Variants in GNPTAB observed in about 807,000 individuals in gnomAD.
GNPTAB encodes N-acetylglucosamine-1-phosphate transferase subunits alpha and beta.
GNPTAB carries 92 observed loss-of-function variants against 136.6 expected under a neutral mutation model. The observed-to-expected ratio is 0.67, with a 90% confidence interval of 0.57 to 0.80. The LOEUF is 0.80. Ranked by LOEUF, GNPTAB falls within the 30% of genes least tolerant of loss-of-function variation. The pLI, the probability that GNPTAB is intolerant of heterozygous loss-of-function variation, is 0.00. For synonymous variants in GNPTAB, 512 were observed against 535.1 expected (o/e 0.96, Z 0.60); for missense variants, 1,343 against 1,501.8 (o/e 0.89, Z 1.75).
At chr12:101,773,339 A>G (rs222511) in intron 7 of GNPTAB, 79,515 of 283,998 alleles carry the variant, frequency 0.28, 11,515 homozygotes, top group Middle Eastern at 0.33. Flanking sequence ...CAGAAAGCAC[A>G]TTTCCTTGGT....
At chr12:101,818,387 T>C (rs1252921935) in intron 1 of GNPTAB, among the ~76,000 whole-genome samples, 1 of 151,398 alleles carries the variant, frequency 6.6e-6, no homozygotes, top group African/African-American at 2.4e-5. Context: ...TTTTTTTTTT[T>C]TTTTTTTGGA....
chr12:101,787,913 CA>C (rs34261197), intron 4 of GNPTAB, among the ~76,000 whole-genome samples: 3 of 126,882 alleles, frequency 2.4e-5, no homozygotes, highest in Admixed American at 8.3e-5. Context: ...AACTCCGTCT[CA>C]AAAAAAAAAA....
rs779927550 is a variant in GNPTAB at position 101,764,235 on chromosome 12, C to A, written c.2682G>T (p.Trp894Cys). The change falls in exon 13 of 21, where the codon TGG becomes TGT. Residue 894 changes from tryptophan to cysteine, a missense_variant. By Grantham distance (215) the Trp-to-Cys change is radical (BLOSUM62 -2). Coordinates refer to ENST00000299314, the MANE Select transcript of GNPTAB (RefSeq NM_024312.5). ...GATCTTGGAAATACTTTTTTTTCTC[C>A]CATGGCAAAAAGCCCAAGTAACTAT... The part of the protein sequence containing the change: ...YTDSYLGFLP[W>C]EKKKYFQDLL... The A allele has an allele frequency of 2.5e-6, 4 of 1,613,266 alleles. No individual in the cohort carries two copies. The South Asian group carries it at 3.3e-5, about 13-fold the overall frequency.
intron 1 of GNPTAB, among the ~76,000 whole-genome samples, chr12:101,798,008 G>A (rs1223552897): frequency 1.3e-5 from 2 of 152,012 alleles, no homozygotes; most frequent in Non-Finnish European, 2.9e-5. Context: ...ATCCATTCCA[G>A]TGAGTCCCTC....
chr12:101,776,264 T>C (rs1953261379), intron 7 of GNPTAB, among the ~76,000 whole-genome samples: 1 of 152,168 alleles, frequency 6.6e-6, no homozygotes, highest in Non-Finnish European at 1.5e-5. Context: ...AAACCCACCA[T>C]GAATGAAAAT....
intron 5 of GNPTAB, among the ~76,000 whole-genome samples, chr12:101,784,947 T>A (rs192608192): frequency 1.3e-5 from 2 of 152,334 alleles, no homozygotes; most frequent in Admixed American, 6.5e-5. Flanking sequence ...GGTTATGGGC[T>A]CAGCAGTACA....
chr12:101,770,750 T>C (rs1953159114), intron 8 of GNPTAB, among the ~76,000 whole-genome samples, 165 bp from the exon 9 acceptor site: 3 of 152,190 alleles, frequency 2.0e-5, no homozygotes, highest in Admixed American at 6.5e-5. Context: ...ATTCAGTATA[T>C]ATATTTTTAA....
At position 101,770,096 on chromosome 12, in the gene GNPTAB, A is replaced by G. The variant is rs947905285; in HGVS notation, c.1209T>C (p.Ile403=). ...CAAACATGACATCATCATTTAGGTA[A>G]ATAAACTTCTGGGACAGCCCTTCGA... The part of the protein sequence containing the change: ...HRIEGLSQKF[I]YLNDDVMFGK... Residue 403 remains isoleucine, a synonymous_variant, in exon 10 of 21, where the codon ATT becomes ATC. Coordinates refer to ENST00000299314, the MANE Select transcript of GNPTAB (RefSeq NM_024312.5). 1 of 1,614,190 alleles carries G rather than the reference A, an allele frequency of 6.2e-7. No individual in the cohort carries two copies. The highest frequency in any genetic ancestry group is 2.2e-5 in the East Asian group (1 of 44,890).
chr12:101,809,536 G>C (rs1204242693), intron 1 of GNPTAB, among the ~76,000 whole-genome samples: 1 of 152,198 alleles, frequency 6.6e-6, no homozygotes, highest in Non-Finnish European at 1.5e-5. Flanking sequence ...CTTTCAAAAG[G>C]TGAATGGCAC....
intron 2 of GNPTAB, among the ~76,000 whole-genome samples, chr12:101,793,589 T>C (rs933436880): frequency 6.6e-6 from 1 of 152,242 alleles, no homozygotes; most frequent in African/African-American, 2.4e-5. Flanking sequence ...TCTGAATCTT[T>C]CATTCTAACC....
At chr12:101,778,655 C>G (rs1276779069) in intron 7 of GNPTAB, 1 of 152,224 alleles carries the variant, frequency 6.6e-6, no homozygotes, top group African/African-American at 2.4e-5. Flanking sequence ...GCCTGTAATC[C>G]CAGCACTTTG....
At chr12:101,824,432 A>ATTT (rs1555276244) in intron 1 of GNPTAB, among the ~76,000 whole-genome samples, 32 of 50,864 alleles carry the variant, frequency 6.3e-4, no homozygotes, top group Admixed American at 1.1e-3. Flanking sequence ...ATATATATAT[A>ATTT]TTTTCTTTTT....
chr12:101,776,854 A>C (rs1417347631), intron 7 of GNPTAB, among the ~76,000 whole-genome samples: 1 of 152,226 alleles, frequency 6.6e-6, no homozygotes, highest in Non-Finnish European at 1.5e-5. Context: ...GCTGAGCCCT[A>C]GGTGGCTCCA....
At chr12:101,762,903 TAA>T (rs35645073) in intron 13 of GNPTAB, among the ~76,000 whole-genome samples, 23 of 125,134 alleles carry the variant, frequency 1.8e-4, no homozygotes, top group East Asian at 1.7e-3. Context: ...TTTGTAAATT[TAA>T]AAAAAAAAAA....
intron 1 of GNPTAB, among the ~76,000 whole-genome samples, chr12:101,822,289 T>G (rs577587983): frequency 3.3e-5 from 5 of 152,130 alleles, no homozygotes; most frequent in Non-Finnish European, 5.9e-5. Flanking sequence ...GGCGGGAGCC[T>G]GTAGTCCCAG....
chr12:101,808,093 C>T (rs1345037557), intron 1 of GNPTAB, among the ~76,000 whole-genome samples: 2 of 152,128 alleles, frequency 1.3e-5, no homozygotes, highest in Non-Finnish European at 2.9e-5. Flanking sequence ...GTGAAGAAAA[C>T]TACAGAAAGC....
At chr12:101,754,568 T>A (rs1366464762) in intron 18 of GNPTAB, among the ~76,000 whole-genome samples, 2 of 152,198 alleles carry the variant, frequency 1.3e-5, no homozygotes, top group Non-Finnish European at 2.9e-5. Context: ...AATTTCTGCT[T>A]ACTATGTCTC....
intron 7 of GNPTAB, chr12:101,779,885 T>TTA (rs1953314453): frequency 2.1e-6 from 1 of 480,542 alleles, no homozygotes; most frequent in Admixed American, 3.3e-5. Context: ...TTGGGCCTGG[T>TTA]TACTACTTGG....
Position 101,765,087 on chromosome 12 carries a change from T to C in GNPTAB, c.1830A>G (p.Thr610=), listed in dbSNP as rs769434316. 6.2e-7 allele frequency: 1 copy of C among 1,614,186 alleles called. No individual in the cohort carries two copies. ...LIMHSGMNAT[T]IHFNLTFQNT... Reference sequence around the variant, plus strand: ...TTTGAAACGTGAGATTAAAATGTATTGTGGTGGCATTCATTCCACTGTGCA... The same window carrying C: ...TTTGAAACGTGAGATTAAAATGTATCGTGGTGGCATTCATTCCACTGTGCA... Residue 610 remains threonine, a synonymous_variant, in exon 13 of 21, where the codon ACA becomes ACG. Transcript: ENST00000299314.
Sources: allele counts gnomAD v4.1 joint callset (sites outside exome capture counted in the v4.1 genomes callset), GRCh38; gene constraint gnomAD v4.1.1; transcripts MANE v1.5; gene names NCBI Gene and HGNC (gene_info 2026-07-23, HGNC 2026-07-21).